IDO2: variants seen among roughly 807,000 people sequenced by gnomAD.
The protein encoded by IDO2 is indoleamine 2,3-dioxygenase-like 1 protein.
A neutral mutation model predicts 45.1 loss-of-function variants in IDO2; 46 were observed. The observed-to-expected ratio is 1.02, with a 90% CI of 0.80 to 1.30. The LOEUF is 1.30. Among genes scored for constraint, IDO2 ranks in the 50% most tolerant of loss-of-function variants. The probability of loss-of-function intolerance (pLI) is 0.00; values close to 1 mark genes in which losing one functional copy is unlikely to be tolerated. For missense variants in IDO2, 544 were observed against 491.8 expected, an observed-to-expected ratio of 1.11 and a Z score of -1.00; for synonymous variants, 218 against 184.9, an observed-to-expected ratio of 1.18 and a Z score of -1.45.
intron 2 of IDO2, among the ~76,000 whole-genome samples, chr8:39,963,064 T>G (rs1808023421): frequency 6.6e-6 from 1 of 152,254 alleles, no homozygotes; most frequent in South Asian, 2.1e-4. Flanking sequence ...CTTCCCTATC[T>G]GCCTAGGCAT....
intron 9 of IDO2, 38 bp downstream of exon 9, chr8:40,005,416 T>G: frequency 2.2e-6 from 3 of 1,354,794 alleles, no homozygotes; most frequent in Non-Finnish European, 3.1e-6. Flanking sequence ...GTGAAGTCTC[T>G]GTAGCATTGA....
chr8:39,982,619 A>T, intron 4 of IDO2, 33 bp from the exon 5 acceptor site: 1 of 1,377,022 alleles, frequency 7.3e-7, no homozygotes, highest in Non-Finnish European at 1.0e-6. Context: ...AGCTTTCTAG[A>T]ATATGCTATT....
chr8:39,969,319 T>A (rs1336024240), intron 3 of IDO2, among the ~76,000 whole-genome samples: 1 of 151,892 alleles, frequency 6.6e-6, no homozygotes, highest in Non-Finnish European at 1.5e-5. Context: ...GTTACAGTGA[T>A]CTGTGATCAG....
chr8:39,996,726 C>G (rs1423086537), intron 8 of IDO2, among the ~76,000 whole-genome samples: 1 of 152,110 alleles, frequency 6.6e-6, no homozygotes, highest in African/African-American at 2.4e-5. Flanking sequence ...GCCTAAAATT[C>G]TTCTGAAGGA....
intron 9 of IDO2, among the ~76,000 whole-genome samples, chr8:40,007,150 A>C (rs1273028697): frequency 1.3e-5 from 2 of 151,686 alleles, no homozygotes; most frequent in Non-Finnish European, 2.9e-5. Context: ...TGTCAAATAG[A>C]TATCATCTAG....
chr8:39,989,675 C>A, intron 7 of IDO2, 46 bp from the exon 8 acceptor site: 1 of 1,347,928 alleles, frequency 7.4e-7, no homozygotes, highest in Non-Finnish European at 1.0e-6. Flanking sequence ...CCTGCATGGA[C>A]TTTAAGGGAG....
chr8:39,978,848 G>T (rs1373991162), intron 3 of IDO2, among the ~76,000 whole-genome samples: 1 of 152,144 alleles, frequency 6.6e-6, no homozygotes, highest in South Asian at 2.1e-4. Flanking sequence ...GGGCGGTTAG[G>T]TTCTTCCTGA....
chr8:39,991,072 G>A (rs550699981), intron 8 of IDO2, among the ~76,000 whole-genome samples: 1 of 152,152 alleles, frequency 6.6e-6, no homozygotes, highest in East Asian at 1.9e-4. Flanking sequence ...CTGGAGGGAG[G>A]GAGAAAGACG....
At chr8:39,986,405 G>A (rs969796005) in intron 6 of IDO2, 1 of 152,144 alleles carries the variant, frequency 6.6e-6, no homozygotes, top group Non-Finnish European at 1.5e-5. Context: ...CTGGGCAGAT[G>A]GGGGCACAGA....
intron 1 of IDO2, among the ~76,000 whole-genome samples, chr8:39,944,061 G>A (rs1394706814): frequency 6.6e-6 from 1 of 151,294 alleles, no homozygotes; most frequent in Non-Finnish European, 1.5e-5. Flanking sequence ...GAGAACGGTT[G>A]CATTAGTTAA....
intron 1 of IDO2, among the ~76,000 whole-genome samples, chr8:39,947,644 A>G (rs2129593234): frequency 6.6e-6 from 1 of 152,314 alleles, no homozygotes; most frequent in South Asian, 2.1e-4. Flanking sequence ...ACACAGCAGT[A>G]GGGTGGATGT....
Position 39,947,171 on chromosome 8 carries a change from CAAAAAA to C in IDO2, c.-17-1959_-17-1954del, listed in dbSNP as rs55785952. Among the ~76,000 whole-genome samples, 70 of 80,016 alleles carry C rather than the reference CAAAAAA, an allele frequency of 8.7e-4. 1 individual carries two copies. Among genetic ancestry groups the C allele is most frequent in the African/African-American group, 3.4e-3 (69 of 20,024 alleles). The allele number at this position is 80,016 out of a possible 152,430, so 52.5% of individuals were successfully genotyped here. ...AACTCTAGGACTAGAGCTAAGGTAT[CAAAAAA>C]AAAAAAAAAAAAAAAAAAGAAGTAG... is the stretch of plus-strand genomic sequence containing the variant. On this transcript the variant is annotated intron_variant, in intron 1 of 10. Coordinates refer to ENST00000502986, the Ensembl canonical transcript of IDO2.
intron 8 of IDO2, among the ~76,000 whole-genome samples, chr8:39,991,819 C>A (rs1380700499): frequency 6.6e-6 from 1 of 152,154 alleles, no homozygotes; most frequent in African/African-American, 2.4e-5. Flanking sequence ...GATCTGCCTA[C>A]CTTGGCCTCC....
In IDO2 at chr8:39,982,651, G is replaced by C. The variant is rs760880656; in HGVS notation, c.316-1G>C. On this transcript the variant is annotated splice_acceptor_variant, in intron 4 of 10. Coordinates refer to ENST00000502986, the Ensembl canonical transcript of IDO2. LOFTEE classifies it high-confidence loss of function. ...TATTTGTCTGGATTTATATCTGAAAGGTCCTGCCAAGGAATCTTGCCCTTC... is the reference window on the plus strand; with the variant it reads ...TATTTGTCTGGATTTATATCTGAAACGTCCTGCCAAGGAATCTTGCCCTTC... 1 of 1,588,502 alleles carries C rather than the reference G, an allele frequency of 6.3e-7. No individual in the cohort carries two copies. The highest frequency in any genetic ancestry group is 8.6e-7 in the Non-Finnish European group (1 of 1,160,956).
At chr8:39,983,154 A>C (rs1808377971) in intron 5 of IDO2, among the ~76,000 whole-genome samples, 1 of 152,222 alleles carries the variant, frequency 6.6e-6, no homozygotes, top group African/African-American at 2.4e-5. Flanking sequence ...GAAGAGAATG[A>C]TTATGGATGA....
intron 2 of IDO2, among the ~76,000 whole-genome samples, chr8:39,961,812 A>G (rs1026187177): frequency 6.6e-5 from 10 of 151,978 alleles, no homozygotes; most frequent in Admixed American, 2.6e-4. Flanking sequence ...CCATCCATTC[A>G]TTTGCTCACC....
chr8:40,015,865 A>T (rs756486148), exon 11 of IDO2: 2 of 428,324 alleles, frequency 4.7e-6, no homozygotes, highest in South Asian at 1.5e-4. Flanking sequence ...CCCCCAGAGG[A>T]GTGACTGTAT....
At chr8:39,981,891 T>TAA (rs1808359014) in intron 4 of IDO2, among the ~76,000 whole-genome samples, 1 of 152,166 alleles carries the variant, frequency 6.6e-6, no homozygotes, top group Admixed American at 6.5e-5. Context: ...TTCTGGCTGA[T>TAA]AAAGAGCCGT....
At chr8:39,977,286 A>G (rs962080392) in intron 3 of IDO2, among the ~76,000 whole-genome samples, 3 of 152,364 alleles carry the variant, frequency 2.0e-5, no homozygotes, top group Admixed American at 1.3e-4. Context: ...AAAAATGCCA[A>G]TGAAAACAAT....
Sources: gnomAD v4.1 joint callset for allele counts (sites outside exome capture counted in the v4.1 genomes callset) on GRCh38, gnomAD v4.1.1 for gene constraint, MANE v1.5 for transcripts, NCBI Gene and HGNC (gene_info 2026-07-23, HGNC 2026-07-21) for gene names.